ATAD2B: variants seen among roughly 807,000 people sequenced by gnomAD.
ATAD2B encodes ATPase family AAA domain containing 2B.
ATAD2B carries 40 observed loss-of-function variants against 167.6 expected under a neutral mutation model. That is an observed-to-expected ratio of 0.24 (90% CI 0.19 to 0.31). The LOEUF (loss-of-function observed/expected upper bound fraction) is 0.31, where lower values mean the gene tolerates loss of function less well. Ranked by LOEUF, ATAD2B falls within the 10% of genes least tolerant of loss-of-function variation. The probability of loss-of-function intolerance (pLI) is 1.00; values close to 1 mark genes in which losing one functional copy is unlikely to be tolerated. For missense variants in ATAD2B, 1,242 were observed against 1,757.2 expected (o/e 0.71, Z 5.24); for synonymous variants, 579 against 596.5 (o/e 0.97, Z 0.43).
At chr2:23,733,794 T>C in the ATAD2B span, among the ~76,000 whole-genome samples, 1 of 152,220 alleles carries the variant, frequency 6.6e-6, no homozygotes, top group African/African-American at 2.4e-5. Context: ...TTTCTCACCA[T>C]CCCTACTATA....
chr2:23,875,422 C>T (rs970296717), intron 8 of ATAD2B, among the ~76,000 whole-genome samples: 6 of 152,028 alleles, frequency 3.9e-5, no homozygotes, highest in African/African-American at 1.4e-4. Flanking sequence ...ATTGCTTGAA[C>T]CCAGGAGAAA....
At chr2:23,738,764 A>C in the ATAD2B span, among the ~76,000 whole-genome samples, 2 of 152,242 alleles carry the variant, frequency 1.3e-5, no homozygotes, top group Non-Finnish European at 2.9e-5. Context: ...CAAATTGGAT[A>C]AAGAGTCAAG....
chr2:23,841,207 T>A (rs1484201113), intron 13 of ATAD2B, among the ~76,000 whole-genome samples: 1 of 150,362 alleles, frequency 6.7e-6, no homozygotes, highest in Non-Finnish European at 1.5e-5. Context: ...CCCAGAGTGC[T>A]GGGATTACAG....
intron 7 of ATAD2B, among the ~76,000 whole-genome samples, chr2:23,877,855 C>CA (rs1314301041): frequency 7.8e-4 from 110 of 141,650 alleles, no homozygotes; most frequent in East Asian, 1.0e-3. Flanking sequence ...GAGACTATCT[C>CA]AAAAAAAAAG....
chr2:23,859,261 T>C (rs1009668627), intron 12 of ATAD2B, among the ~76,000 whole-genome samples: 2 of 152,182 alleles, frequency 1.3e-5, no homozygotes, highest in Non-Finnish European at 2.9e-5. Flanking sequence ...ACAAGATCAC[T>C]AGTCTTTTGC....
chr2:23,775,265 C>T (rs1678923200), intron 22 of ATAD2B, among the ~76,000 whole-genome samples: 1 of 148,304 alleles, frequency 6.7e-6, no homozygotes. Context: ...TCCAGGCTGG[C>T]GTGCAGTGGC....
At chr2:23,733,890 C>A in the ATAD2B span, among the ~76,000 whole-genome samples, 9 of 152,178 alleles carry the variant, frequency 5.9e-5, no homozygotes, top group African/African-American at 9.7e-5. Flanking sequence ...ATGCTACTTT[C>A]TTCCTTACTT....
intron 12 of ATAD2B, among the ~76,000 whole-genome samples, chr2:23,859,354 G>C (rs1693970099): frequency 6.6e-6 from 1 of 151,762 alleles, no homozygotes; most frequent in South Asian, 2.1e-4. Context: ...CTCTCACCCA[G>C]GCTGGAGTGC....
At chr2:23,752,232 G>T in intron 27 of ATAD2B, 145 bp from the exon 28 acceptor site, 1 of 647,804 alleles carries the variant, frequency 1.5e-6, no homozygotes, top group Non-Finnish European at 2.7e-6. Context: ...TAATACCATA[G>T]GTAATTAAGA....
the ATAD2B span, among the ~76,000 whole-genome samples, chr2:23,713,633 T>A: frequency 6.6e-6 from 1 of 152,178 alleles, no homozygotes; most frequent in Admixed American, 6.5e-5. Context: ...GGATTGCCTA[T>A]TGCGAACGTT....
At chr2:23,754,050 A>T in intron 27 of ATAD2B, 129 bp downstream of exon 27, 1 of 758,440 alleles carries the variant, frequency 1.3e-6, no homozygotes. Context: ...TTTTGTCTTA[A>T]ATCTTCAAAA....
At chr2:23,925,602 C>A (rs1322009074) in intron 1 of ATAD2B, among the ~76,000 whole-genome samples, 2 of 152,164 alleles carry the variant, frequency 1.3e-5, no homozygotes, top group African/African-American at 4.8e-5. Flanking sequence ...AATTCAGAAA[C>A]AATCTCATAG....
At chr2:23,916,923 C>T (rs1049583586) in intron 1 of ATAD2B, among the ~76,000 whole-genome samples, 6 of 152,152 alleles carry the variant, frequency 3.9e-5, no homozygotes, top group African/African-American at 1.4e-4. Flanking sequence ...GTCTCCTCCA[C>T]TAGACTTTAA....
In ATAD2B at chr2:23,830,809, CA is replaced by C. The variant is rs1688930141; in HGVS notation, c.1729-1871del. On this transcript the variant is annotated intron_variant, in intron 14 of 27. Coordinates refer to ENST00000238789, the MANE Select transcript of ATAD2B (RefSeq NM_017552.4). ...ATACAAACTTCATTAGCAGCACAGG[CA>C]GTGTGCTGCTAAGGGTGATTACAAG... Among the ~76,000 whole-genome samples, 12 of 151,882 alleles carry C rather than the reference CA, an allele frequency of 7.9e-5. No homozygotes were observed. In the South Asian group the frequency reaches 1.3e-3, roughly 16 times the overall value.
intron 12 of ATAD2B, among the ~76,000 whole-genome samples, chr2:23,860,581 C>T (rs895749848): frequency 1.3e-5 from 2 of 152,188 alleles, no homozygotes; most frequent in African/African-American, 4.8e-5. Context: ...ACTCTCAGTT[C>T]ACAGGAAGGT....
At chr2:23,918,354 C>T (rs1192542170) in intron 1 of ATAD2B, among the ~76,000 whole-genome samples, 3 of 151,944 alleles carry the variant, frequency 2.0e-5, no homozygotes, top group Non-Finnish European at 4.4e-5. Context: ...CTGAGCAACA[C>T]AGCAAGATCC....
At chr2:23,775,761 A>T (rs146254787) in intron 22 of ATAD2B, among the ~76,000 whole-genome samples, 2 of 152,226 alleles carry the variant, frequency 1.3e-5, no homozygotes, top group Non-Finnish European at 2.9e-5. Context: ...TTCTCATTCT[A>T]CACACTGTCT....
chr2:23,718,690 T>C, the ATAD2B span, among the ~76,000 whole-genome samples: 149 of 152,290 alleles, frequency 9.8e-4, no homozygotes, highest in African/African-American at 3.4e-3. Flanking sequence ...ATCTTATGAT[T>C]TGGGAGGTCA....
intron 7 of ATAD2B, among the ~76,000 whole-genome samples, chr2:23,880,393 T>C (rs1697693811): frequency 6.6e-6 from 1 of 152,034 alleles, no homozygotes; most frequent in Non-Finnish European, 1.5e-5. Flanking sequence ...TTTCACCATG[T>C]TAGCCAGGAT....
Sources: allele counts gnomAD v4.1 joint callset (sites outside exome capture counted in the v4.1 genomes callset), GRCh38; gene constraint gnomAD v4.1.1; transcripts MANE v1.5; gene names NCBI Gene and HGNC (gene_info 2026-07-23, HGNC 2026-07-21).